CCSER1: variants seen among roughly 807,000 people sequenced by gnomAD.
CCSER1 encodes coiled-coil serine rich protein 1, also known as serine-rich coiled-coil domain-containing protein 1.
In CCSER1, 41 loss-of-function variants were observed where a neutral mutation model predicts 82.0. The observed-to-expected ratio is 0.50, with a 90% CI of 0.39 to 0.65. The LOEUF is 0.65. CCSER1 is among the 30% of genes least tolerant of loss of function. CCSER1 has a pLI of 0.00. For missense variants in CCSER1, 1,119 were observed against 1,064.2 expected (o/e 1.05, Z -0.72); for synonymous variants, 414 against 383.9 (o/e 1.08, Z -0.92).
intron 1 of CCSER1, among the ~76,000 whole-genome samples, chr4:90,153,118 G>C (rs1727229055): frequency 7.1e-6 from 1 of 141,340 alleles, no homozygotes; most frequent in Admixed American, 7.9e-5. Context: ...TCCCACCTAT[G>C]AGTGAGAATA....
rs149916063 is a variant in CCSER1 at position 90,806,219 on chromosome 4, G to A, written c.2011-9543G>A. On this transcript the variant is annotated intron_variant, in intron 7 of 10. Coordinates refer to ENST00000509176, the MANE Select transcript of CCSER1 (RefSeq NM_001145065.2). ...TTCATAGAGAAGACTTTTATAAATT[G>A]TCTTCTTATGGCATATAATAAATAT... 1.3e-4 allele frequency among the ~76,000 whole-genome samples: 20 copies of A among 152,240 alleles called. No individual in the cohort carries two copies. In the East Asian group the frequency reaches 3.9e-3, roughly 29 times the overall value.
chr4:90,751,244 A>G (rs531689093), intron 7 of CCSER1, among the ~76,000 whole-genome samples: 1 of 152,276 alleles, frequency 6.6e-6, no homozygotes, highest in South Asian at 2.1e-4. Context: ...TTAGTCAAAA[A>G]ATACAGGATG....
chr4:91,474,483 T>C (rs1449642152), intron 10 of CCSER1, among the ~76,000 whole-genome samples: 2 of 151,590 alleles, frequency 1.3e-5, no homozygotes, highest in African/African-American at 4.8e-5. Context: ...AATCATTCTA[T>C]TCTATTCTTA....
intron 10 of CCSER1, among the ~76,000 whole-genome samples, chr4:91,467,659 AAAAC>A (rs1270101721): frequency 2.6e-5 from 4 of 152,208 alleles, no homozygotes; most frequent in Admixed American, 6.5e-5. Flanking sequence ...TTACAAGAAA[AAAAC>A]AAACAACCCC....
chr4:91,307,420 C>T (rs533855775), intron 10 of CCSER1, among the ~76,000 whole-genome samples: 1 of 151,752 alleles, frequency 6.6e-6, no homozygotes, highest in Admixed American at 6.6e-5. Flanking sequence ...GTTTTTTAGC[C>T]CAATATCATT....
intron 5 of CCSER1, among the ~76,000 whole-genome samples, chr4:90,549,709 T>G (rs1256289995): frequency 6.6e-6 from 1 of 151,836 alleles, no homozygotes; most frequent in Non-Finnish European, 1.5e-5. Flanking sequence ...AGCCTTACTG[T>G]GTAGATGAGG....
intron 1 of CCSER1, among the ~76,000 whole-genome samples, chr4:90,161,938 A>G (rs575300917): frequency 1.2e-4 from 19 of 152,254 alleles, no homozygotes; most frequent in African/African-American, 4.3e-4. Context: ...ACCTTTTGTA[A>G]AACACAGTTT....
At chr4:91,103,279 C>A (rs768399169) in intron 10 of CCSER1, among the ~76,000 whole-genome samples, 1 of 152,156 alleles carries the variant, frequency 6.6e-6, no homozygotes, top group Non-Finnish European at 1.5e-5. Flanking sequence ...TCACTCAGCC[C>A]CATGAAAGAT....
chr4:91,179,290 T>C (rs1733750381), intron 10 of CCSER1, among the ~76,000 whole-genome samples: 1 of 152,224 alleles, frequency 6.6e-6, no homozygotes, highest in Non-Finnish European at 1.5e-5. Context: ...TTGGGGTTAC[T>C]CTTCTTGAGG....
chr4:90,850,812 T>A (rs916596841), intron 8 of CCSER1, among the ~76,000 whole-genome samples: 24 of 152,198 alleles, frequency 1.6e-4, no homozygotes, highest in Admixed American at 1.3e-4. Flanking sequence ...TTTGGGGGAC[T>A]GTTAGAAGGG....
At chr4:90,183,579 A>G (rs1198943263) in intron 1 of CCSER1, among the ~76,000 whole-genome samples, 1 of 152,164 alleles carries the variant, frequency 6.6e-6, no homozygotes, top group Non-Finnish European at 1.5e-5. Flanking sequence ...GCAAGAATGC[A>G]TGTGATAGTG....
chr4:90,727,228 A>G, intron 7 of CCSER1: 4 of 456,134 alleles, frequency 8.8e-6, no homozygotes, highest in Non-Finnish European at 1.3e-5. Context: ...TATCAACTGT[A>G]CACACATATG....
intron 9 of CCSER1, among the ~76,000 whole-genome samples, chr4:90,963,773 C>G (rs1178441476): frequency 2.6e-5 from 4 of 151,888 alleles, no homozygotes; most frequent in Non-Finnish European, 5.9e-5. Flanking sequence ...TTTAAGCCAC[C>G]CAGTCTGTGG....
At chr4:91,438,936 G>T (rs1426014828) in intron 10 of CCSER1, among the ~76,000 whole-genome samples, 1 of 152,072 alleles carries the variant, frequency 6.6e-6, no homozygotes, top group South Asian at 2.1e-4. Flanking sequence ...AGAGAAAAAA[G>T]AATAAAAAGA....
At chr4:90,359,582 A>G (rs1744925030) in intron 3 of CCSER1, among the ~76,000 whole-genome samples, 1 of 151,808 alleles carries the variant, frequency 6.6e-6, no homozygotes, top group Admixed American at 6.6e-5. Flanking sequence ...TACTGAAAAT[A>G]CAAAAATTAG....
intron 3 of CCSER1, among the ~76,000 whole-genome samples, chr4:90,314,277 G>C (rs1341808237): frequency 6.6e-6 from 1 of 152,140 alleles, no homozygotes; most frequent in Non-Finnish European, 1.5e-5. Flanking sequence ...GTTCTTTTGT[G>C]CATTGGCTAT....
chr4:90,798,830 T>C (rs879119586), intron 7 of CCSER1, among the ~76,000 whole-genome samples: 3 of 152,168 alleles, frequency 2.0e-5, no homozygotes, highest in Admixed American at 2.0e-4. Flanking sequence ...TTCTCTTGGC[T>C]CCTTGATGTT....
At chr4:91,376,644 TTAAAC>T (rs1403018806) in intron 10 of CCSER1, among the ~76,000 whole-genome samples, 1 of 152,116 alleles carries the variant, frequency 6.6e-6, no homozygotes, top group Non-Finnish European at 1.5e-5. Context: ...ATTATTCAAA[TTAAAC>T]TAAGAGATGA....
At chr4:90,211,204 G>A (rs1313146044) in intron 1 of CCSER1, among the ~76,000 whole-genome samples, 1 of 152,186 alleles carries the variant, frequency 6.6e-6, no homozygotes, top group Non-Finnish European at 1.5e-5. Flanking sequence ...AAATCCCCAT[G>A]TGCAACAAGA....
Sources: allele counts gnomAD v4.1 joint callset (sites outside exome capture counted in the v4.1 genomes callset), GRCh38; gene constraint gnomAD v4.1.1; transcripts MANE v1.5; gene names NCBI Gene and HGNC (gene_info 2026-07-23, HGNC 2026-07-21).